MYLK: variants seen among roughly 807,000 people sequenced by gnomAD.
MYLK encodes the protein myosin light chain kinase, also known as myosin light chain kinase, smooth muscle.
In MYLK, 106 loss-of-function variants were observed where a neutral mutation model predicts 203.4. That is an observed-to-expected ratio of 0.52 (90% CI 0.45 to 0.61). MYLK has a LOEUF of 0.61. Ranked by LOEUF, MYLK falls within the 20% of genes least tolerant of loss-of-function variation. The pLI is 0.00. For synonymous variants in MYLK, 867 were observed against 959.5 expected (o/e 0.90, Z 1.78); for missense variants, 2,072 against 2,442.3 (o/e 0.85, Z 3.20).
intron 4 of MYLK, among the ~76,000 whole-genome samples, chr3:123,791,169 C>T (rs1017702817): frequency 6.6e-6 from 1 of 152,070 alleles, no homozygotes; most frequent in Non-Finnish European, 1.5e-5. Flanking sequence ...GTCAAGTGGC[C>T]CCAACAGTGA....
At chr3:123,651,716 C>T (rs749133728) in intron 24 of MYLK, among the ~76,000 whole-genome samples, 1 of 152,204 alleles carries the variant, frequency 6.6e-6, no homozygotes, top group African/African-American at 2.4e-5. Context: ...GGCATCCAGT[C>T]CTAGAGCTGG....
At chr3:123,616,362 A>T (rs2107834324) in intron 33 of MYLK, 1 of 152,258 alleles carries the variant, frequency 6.6e-6, no homozygotes, top group South Asian at 2.1e-4. Context: ...TATATATTAT[A>T]TGTATTTAAT....
chr3:123,664,112 A>G lies in MYLK; in HGVS notation c.3978T>C (p.Thr1326=). ...LGSRQAQVNL[T]VVDKPDPPAG... ...CCCAGCCACCAGACTCACCCACGAC[A>G]GTGAGGTTGACCTGGGCCTGCCTGC... is the stretch of plus-strand genomic sequence containing the variant. Residue 1326 remains threonine (T), a synonymous_variant, in exon 23 of 34, where the codon ACT becomes ACC. Coordinates refer to ENST00000360304, the MANE Select transcript of MYLK (RefSeq NM_053025.4). 1 of 1,613,988 alleles carries G rather than the reference A, an allele frequency of 6.2e-7. No homozygotes were observed. The highest frequency in any genetic ancestry group is 8.5e-7 in the Non-Finnish European group (1 of 1,179,920).
chr3:123,790,390 C>A (rs1275944440), intron 4 of MYLK, among the ~76,000 whole-genome samples: 1 of 152,174 alleles, frequency 6.6e-6, no homozygotes, highest in Non-Finnish European at 1.5e-5. Context: ...GGCAAAGGGG[C>A]CTGGTCATGG....
intron 12 of MYLK, among the ~76,000 whole-genome samples, chr3:123,723,382 G>A (rs2062161659): frequency 6.6e-6 from 1 of 152,184 alleles, no homozygotes; most frequent in Admixed American, 6.5e-5. Flanking sequence ...AAGTGGGGCC[G>A]AGGGCTGGGA....
At chr3:123,627,347 A>C (rs1328049766) in intron 30 of MYLK, among the ~76,000 whole-genome samples, 1 of 152,186 alleles carries the variant, frequency 6.6e-6, no homozygotes, top group Non-Finnish European at 1.5e-5. Context: ...TGTCTGGAGG[A>C]GGGGAGAGTT....
At chr3:123,751,475 G>T (rs1002561220) in intron 5 of MYLK, among the ~76,000 whole-genome samples, 1 of 152,188 alleles carries the variant, frequency 6.6e-6, no homozygotes, top group Non-Finnish European at 1.5e-5. Context: ...TTAACACATT[G>T]ATGTGTTTAC....
intron 6 of MYLK, 87 bp from the exon 7 acceptor site, chr3:123,739,149 A>C (rs2062778971): frequency 6.9e-7 from 1 of 1,443,954 alleles, no homozygotes; most frequent in Admixed American, 1.8e-5. Flanking sequence ...GCACTAAGTT[A>C]AGGTCAGAAG....
At chr3:123,836,196 T>G (rs1232439907) in intron 2 of MYLK, among the ~76,000 whole-genome samples, 1 of 152,172 alleles carries the variant, frequency 6.6e-6, no homozygotes. Flanking sequence ...TGATGTTTAG[T>G]GAACCTTCAG....
At chr3:123,799,611 C>T (rs1577013674) in intron 3 of MYLK, among the ~76,000 whole-genome samples, 1 of 152,304 alleles carries the variant, frequency 6.6e-6, no homozygotes, top group East Asian at 1.9e-4. Context: ...CCTCCAACAA[C>T]AGCACACATC....
At chr3:123,677,908 TATATATATATAC>T (rs1267121645) in intron 20 of MYLK, among the ~76,000 whole-genome samples, 35 of 97,362 alleles carry the variant, frequency 3.6e-4, no homozygotes, top group African/African-American at 1.4e-3. Context: ...TATATATATA[TATATATATATAC>T]ACACACACAC....
In MYLK at chr3:123,692,435, G is replaced by A. The variant is rs959018776; in HGVS notation, c.3565+300C>T. ...TTCCTGTGGGTGTGTCTTTTCTACT[G>A]CCCAGTGCCCCAGCTTCCCAGCTCA... is the stretch of plus-strand genomic sequence containing the variant. On this transcript the variant is annotated intron_variant, in intron 19 of 33. Transcript: ENST00000360304. 16 of 1,219,556 alleles carry A rather than the reference G, an allele frequency of 1.3e-5. No individual in the cohort carries two copies. The Admixed American group carries it at 1.7e-4, about 13-fold the overall frequency. 75.5% of individuals were successfully genotyped at this position (1,219,556 alleles called of 1,614,324 possible).
intron 4 of MYLK, among the ~76,000 whole-genome samples, chr3:123,791,348 C>T (rs1270651876): frequency 6.6e-6 from 1 of 152,234 alleles, no homozygotes; most frequent in East Asian, 1.9e-4. Flanking sequence ...AGGTCAGAAA[C>T]ACCCCCTGTT....
intron 2 of MYLK, chr3:123,835,766 C>G (rs1045874260): frequency 3.3e-5 from 5 of 152,156 alleles, no homozygotes; most frequent in African/African-American, 1.2e-4. Context: ...AACCAGAATC[C>G]CTTTTCCTTA....
intron 13 of MYLK, among the ~76,000 whole-genome samples, chr3:123,713,017 C>A (rs978186863): frequency 1.1e-4 from 16 of 152,300 alleles, no homozygotes; most frequent in Middle Eastern, 3.4e-3. Flanking sequence ...ATTAGGAATA[C>A]AAATGCGTTG....
chr3:123,687,940 C>T (rs1201652085), intron 19 of MYLK, among the ~76,000 whole-genome samples: 1 of 152,168 alleles, frequency 6.6e-6, no homozygotes, highest in Non-Finnish European at 1.5e-5. Flanking sequence ...GTTGGTATTA[C>T]AGGTGTGAGC....
At chr3:123,684,100 G>A (rs1463087903) in intron 19 of MYLK, among the ~76,000 whole-genome samples, 2 of 152,164 alleles carry the variant, frequency 1.3e-5, no homozygotes, top group Admixed American at 6.5e-5. Flanking sequence ...CCCAAGGATC[G>A]TGGTCATTCT....
At chr3:123,808,204 A>G (rs1386020771) in intron 3 of MYLK, among the ~76,000 whole-genome samples, 1 of 152,108 alleles carries the variant, frequency 6.6e-6, no homozygotes, top group African/African-American at 2.4e-5. Flanking sequence ...AGCCCTGTCC[A>G]TTCTCACCAG....
At chr3:123,814,006 C>T (rs574159138) in intron 3 of MYLK, 1 of 169,786 alleles carries the variant, frequency 5.9e-6, no homozygotes, top group East Asian at 1.8e-4. Context: ...CATAAGGCCA[C>T]CTCTACCCTA....
Sources: gnomAD v4.1 joint callset for allele counts (sites outside exome capture counted in the v4.1 genomes callset) on GRCh38, gnomAD v4.1.1 for gene constraint, MANE v1.5 for transcripts, NCBI Gene and HGNC (gene_info 2026-07-23, HGNC 2026-07-21) for gene names.